The following PRKCE variants were observed in gnomAD, a reference collection of about 807,000 sequenced individuals.
The protein encoded by PRKCE is protein kinase C epsilon.
A neutral mutation model predicts 85.4 loss-of-function variants in PRKCE; 16 were observed. The ratio of observed to expected loss-of-function variants is 0.19; its 90% CI spans 0.13 to 0.28. The LOEUF (loss-of-function observed/expected upper bound fraction) is 0.28, where lower values mean the gene tolerates loss of function less well. Ranked by LOEUF, PRKCE falls within the 10% of genes least tolerant of loss-of-function variation. The pLI is 1.00. For missense variants in PRKCE, 573 were observed against 975.2 expected, an observed-to-expected ratio of 0.59 and a Z score of 5.49; for synonymous variants, 388 against 371.5, an observed-to-expected ratio of 1.04 and a Z score of -0.51.
At chr2:46,056,597 C>A (rs950008157) in intron 10 of PRKCE, among the ~76,000 whole-genome samples, 2 of 152,154 alleles carry the variant, frequency 1.3e-5, no homozygotes, top group Admixed American at 1.3e-4. Context: ...GAATTTAGAT[C>A]TTTTCCTCTT....
intron 1 of PRKCE, among the ~76,000 whole-genome samples, chr2:45,707,695 G>A (rs1168548387): frequency 6.6e-6 from 1 of 152,196 alleles, no homozygotes; most frequent in Non-Finnish European, 1.5e-5. Context: ...CATTTCTTCT[G>A]TGGCTTCTCA....
intron 11 of PRKCE, among the ~76,000 whole-genome samples, chr2:46,112,850 C>T (rs1250298565): frequency 6.6e-6 from 1 of 152,112 alleles, no homozygotes; most frequent in Admixed American, 6.6e-5. Context: ...TTGTTATATT[C>T]ATTTTTTGTT....
At chr2:46,160,619 C>T (rs1009292940) in intron 14 of PRKCE, among the ~76,000 whole-genome samples, 1 of 152,130 alleles carries the variant, frequency 6.6e-6, no homozygotes, top group Non-Finnish European at 1.5e-5. Context: ...AGGCAGGAGC[C>T]CCAGTGCTGT....
chr2:45,856,991 G>T (rs1455179340), intron 2 of PRKCE, among the ~76,000 whole-genome samples: 2 of 152,184 alleles, frequency 1.3e-5, no homozygotes, highest in East Asian at 3.8e-4. Context: ...CTTGGCTGTT[G>T]TGAATAGTGC....
intron 1 of PRKCE, among the ~76,000 whole-genome samples, chr2:45,662,000 C>G (rs112972047): frequency 9.9e-5 from 15 of 152,128 alleles, no homozygotes; most frequent in Non-Finnish European, 1.9e-4. Context: ...ATAAGCATCT[C>G]GTGAACAGGA....
intron 1 of PRKCE, among the ~76,000 whole-genome samples, chr2:45,759,652 A>G (rs1684278077): frequency 6.6e-6 from 1 of 152,238 alleles, no homozygotes; most frequent in Admixed American, 6.5e-5. Context: ...TCTTTGATGT[A>G]AGTATAGAAG....
intron 10 of PRKCE, among the ~76,000 whole-genome samples, chr2:46,024,709 GGGGA>G (rs529427280): frequency 6.9e-4 from 105 of 152,270 alleles, no homozygotes; most frequent in Admixed American, 2.1e-3. Context: ...GAGAGTGAAT[GGGGA>G]AAATGACTTT....
intron 6 of PRKCE, among the ~76,000 whole-genome samples, chr2:45,993,160 G>A (rs1242275065): frequency 6.6e-6 from 1 of 151,788 alleles, no homozygotes; most frequent in Non-Finnish European, 1.5e-5. Flanking sequence ...TGAGGGGTGG[G>A]GGTGGGTGGT....
intron 3 of PRKCE, among the ~76,000 whole-genome samples, chr2:45,977,211 A>T (rs1702526090): frequency 1.3e-5 from 2 of 152,112 alleles, no homozygotes; most frequent in African/African-American, 4.8e-5. Flanking sequence ...GTGTGTTTTT[A>T]AAAAGAATAC....
intron 11 of PRKCE, among the ~76,000 whole-genome samples, chr2:46,114,502 C>G (rs1326062319): frequency 1.8e-4 from 26 of 148,332 alleles, no homozygotes; most frequent in Admixed American, 5.4e-4. Context: ...ACTGCAAGCT[C>G]CACCTCCCAG....
chr2:45,670,261 A>G (rs1359505929), intron 1 of PRKCE, among the ~76,000 whole-genome samples: 1 of 152,178 alleles, frequency 6.6e-6, no homozygotes, highest in Non-Finnish European at 1.5e-5. Flanking sequence ...TTTAGGGTTT[A>G]ATATGCTTTT....
chr2:45,778,080 C>T (rs1397131111), intron 1 of PRKCE, among the ~76,000 whole-genome samples: 1 of 147,134 alleles, frequency 6.8e-6, no homozygotes, highest in Non-Finnish European at 1.5e-5. Flanking sequence ...GCTTCATTTT[C>T]CTCATTGGGA....
intron 2 of PRKCE, among the ~76,000 whole-genome samples, chr2:45,891,732 G>A (rs1334452387): frequency 2.6e-5 from 4 of 152,222 alleles, no homozygotes; most frequent in African/African-American, 4.8e-5. Flanking sequence ...GCATATCACT[G>A]TTACCTTGGG....
At chr2:46,039,498 G>C (rs530606959) in intron 10 of PRKCE, among the ~76,000 whole-genome samples, 1 of 152,080 alleles carries the variant, frequency 6.6e-6, no homozygotes. Flanking sequence ...TGATTTTTTA[G>C]CTGTATTCGT....
chr2:45,950,667 A>G (rs1700558185), intron 2 of PRKCE, among the ~76,000 whole-genome samples: 1 of 152,230 alleles, frequency 6.6e-6, no homozygotes, highest in Non-Finnish European at 1.5e-5. Flanking sequence ...CCATGGAGTG[A>G]AAAAGGTTAC....
intron 6 of PRKCE, among the ~76,000 whole-genome samples, chr2:45,995,329 CA>C (rs1388499346): frequency 1.3e-5 from 2 of 151,898 alleles, no homozygotes; most frequent in Non-Finnish European, 2.9e-5. Context: ...GGGGACAGAG[CA>C]AAAGTTTTTT....
chr2:45,984,231 C>T (rs1360092960), intron 5 of PRKCE, among the ~76,000 whole-genome samples: 1 of 152,124 alleles, frequency 6.6e-6, no homozygotes, highest in African/African-American at 2.4e-5. Flanking sequence ...ATCCACTGCA[C>T]CCGGCCTGAG....
chr2:46,122,952 T>C (rs1673464025), intron 11 of PRKCE, among the ~76,000 whole-genome samples: 1 of 148,428 alleles, frequency 6.7e-6, no homozygotes, highest in Non-Finnish European at 1.5e-5. Flanking sequence ...AGGAGAGTCC[T>C]GGTGAAGCCA....
chr2:45,934,122 G>A (rs1429735940), intron 2 of PRKCE, among the ~76,000 whole-genome samples: 6 of 152,056 alleles, frequency 3.9e-5, no homozygotes, highest in Non-Finnish European at 5.9e-5. Context: ...TCTGACACAC[G>A]CTCAGGGCAC....
Sources: allele counts gnomAD v4.1 joint callset (sites outside exome capture counted in the v4.1 genomes callset), GRCh38; gene constraint gnomAD v4.1.1; transcripts MANE v1.5; gene names NCBI Gene and HGNC (gene_info 2026-07-23, HGNC 2026-07-21).